The following CD99L2 variants were observed in gnomAD, a reference collection of about 807,000 sequenced individuals.
The protein encoded by CD99L2 is CD99 antigen-like protein 2.
Under a neutral mutation model 27.3 loss-of-function variants are expected in CD99L2, and 24 were observed. The ratio of observed to expected loss-of-function variants is 0.88; its 90% CI spans 0.64 to 1.24. CD99L2 has a LOEUF of 1.24. Among genes scored for constraint, CD99L2 ranks in the 50% most tolerant of loss-of-function variants. The pLI, the probability that CD99L2 is intolerant of heterozygous loss-of-function variation, is 0.00. For synonymous variants in CD99L2, 97 were observed against 87.9 expected, an observed-to-expected ratio of 1.10 and a Z score of -0.58; for missense variants, 255 against 221.6, an observed-to-expected ratio of 1.15 and a Z score of -0.96.
At chrX:150,858,389 T>G (rs1376495349) in intron 1 of CD99L2, among the ~76,000 whole-genome samples, 3 of 112,611 alleles carry the variant, frequency 2.7e-5, no homozygotes, top group Non-Finnish European at 5.6e-5. Flanking sequence ...ACAGAAGACT[T>G]TATCTAACAA....
intron 1 of CD99L2, among the ~76,000 whole-genome samples, chrX:150,895,509 G>C (rs1435008191): frequency 3.6e-5 from 4 of 110,665 alleles, no homozygotes; most frequent in Admixed American, 9.7e-5. Flanking sequence ...GGTCTGCCAG[G>C]GTTACTCAGC....
At chrX:150,769,769 G>A (rs186980111) in intron 10 of CD99L2, among the ~76,000 whole-genome samples, 92 of 108,747 alleles carry the variant, frequency 8.5e-4, no homozygotes, top group African/African-American at 2.4e-3. Flanking sequence ...TATCTGCCTC[G>A]AGCAGTTGGG....
chrX:150,780,729 A>C (rs1557419416), intron 7 of CD99L2, among the ~76,000 whole-genome samples: 1 of 112,185 alleles, frequency 8.9e-6, no homozygotes, highest in African/African-American at 3.2e-5. Context: ...AATTCACAAA[A>C]TATTTTAAGA....
At position 150,894,424 on chromosome X, in the gene CD99L2, T is replaced by C. The variant is rs782097153; in HGVS notation, c.67+4098A>G. Among the ~76,000 whole-genome samples the C allele has an allele frequency of 5.4e-5, 6 of 112,068 alleles. No homozygotes were observed. The East Asian group carries it at 1.4e-3, about 26-fold the overall frequency. On this transcript the variant is annotated intron_variant, in intron 1 of 10. Transcript: ENST00000370377. Reference sequence around the variant, plus strand: ...TGAGGAAACCGTAGCACCGAGCAGTTAGGCAAATGGGACAGAGTCATAGCA... The same window carrying C: ...TGAGGAAACCGTAGCACCGAGCAGTCAGGCAAATGGGACAGAGTCATAGCA...
chrX:150,833,858 G>A (rs782137669), intron 1 of CD99L2, among the ~76,000 whole-genome samples: 10 of 111,778 alleles, frequency 8.9e-5, no homozygotes, highest in Non-Finnish European at 1.1e-4. Flanking sequence ...GTTGCACAAC[G>A]TTAGTCTGGG....
At chrX:150,882,510 A>T (rs1260809932) in intron 1 of CD99L2, among the ~76,000 whole-genome samples, 2 of 110,618 alleles carry the variant, frequency 1.8e-5, no homozygotes, top group Non-Finnish European at 3.8e-5. Flanking sequence ...TGATCACTTG[A>T]GGTCAGGAGT....
chrX:150,778,685 A>ATATAT (rs1557419365), intron 7 of CD99L2, among the ~76,000 whole-genome samples: 1 of 81,536 alleles, frequency 1.2e-5, no homozygotes, highest in African/African-American at 4.9e-5. Context: ...AAAAAAAAAA[A>ATATAT]ATATATATAT....
chrX:150,779,228 T>C (rs1158057192), intron 7 of CD99L2, among the ~76,000 whole-genome samples: 1 of 111,964 alleles, frequency 8.9e-6, no homozygotes, highest in Admixed American at 9.4e-5. Flanking sequence ...CAGGGACAAA[T>C]GGACAGAAGG....
chrX:150,838,898 TA>T (rs1161488139), intron 1 of CD99L2, among the ~76,000 whole-genome samples: 1,822 of 23,559 alleles, frequency 0.077, 87 homozygotes, highest in African/African-American at 0.24. Flanking sequence ...ATCATATCAG[TA>T]AAAAAAAAAA....
chrX:150,793,003 G>A (rs1222065068), intron 7 of CD99L2, among the ~76,000 whole-genome samples: 1 of 110,530 alleles, frequency 9.0e-6, no homozygotes, highest in Non-Finnish European at 1.9e-5. Context: ...GCTAATTATG[G>A]TAATGGTTAC....
intron 1 of CD99L2, among the ~76,000 whole-genome samples, chrX:150,868,408 A>G (rs1362368302): frequency 9.0e-6 from 1 of 111,363 alleles, no homozygotes; most frequent in Non-Finnish European, 1.9e-5. Flanking sequence ...CATGCCTGTA[A>G]TCCCAGCTAC....
chrX:150,811,247 C>T (rs192167830), intron 4 of CD99L2, among the ~76,000 whole-genome samples: 22 of 111,216 alleles, frequency 2.0e-4, no homozygotes, highest in East Asian at 5.6e-4. Flanking sequence ...TTCACGCCCA[C>T]GAAGATGACT....
chrX:150,892,461 C>T (rs1260303801), intron 1 of CD99L2, among the ~76,000 whole-genome samples: 4 of 106,733 alleles, frequency 3.7e-5, no homozygotes, highest in African/African-American at 1.4e-4. Flanking sequence ...AAAAAATTAG[C>T]CAGGTGTGGT....
Position 150,814,762 on chromosome X carries a change from C to T in CD99L2, c.277+100G>A, listed in dbSNP as rs2046126730. ...GGTTCTCCAGTGGCTTGAAGTGCCT[C>T]CACCTCTGCCAAGCCCAGACTGACT... On this transcript the variant is annotated intron_variant, in intron 4 of 10. Transcript: ENST00000370377. The T allele has an allele frequency of 5.2e-6, 4 of 769,015 alleles. No individual in the cohort carries two copies. The South Asian group carries it at 9.7e-5, about 19-fold the overall frequency. 63.4% of individuals were successfully genotyped at this position (769,015 alleles called of 1,213,427 possible).
chrX:150,804,869 C>T (rs2045969883), intron 4 of CD99L2, among the ~76,000 whole-genome samples: 1 of 110,790 alleles, frequency 9.0e-6, no homozygotes, highest in Admixed American at 9.6e-5. Flanking sequence ...AAGATATAAA[C>T]TACTGAAGCT....
At chrX:150,777,589 G>A (rs900820984) in intron 7 of CD99L2, 107 bp from the exon 8 acceptor site, 2 of 813,439 alleles carry the variant, frequency 2.5e-6, no homozygotes, top group Non-Finnish European at 1.8e-6. Context: ...TCCCACCTAT[G>A]CGACAAGACC....
chrX:150,777,629 C>CGG, intron 7 of CD99L2, 147 bp from the exon 8 acceptor site: 2 of 581,329 alleles, frequency 3.4e-6, no homozygotes, highest in Non-Finnish European at 5.4e-6. Flanking sequence ...TAGGCTTCTA[C>CGG]TGGACTGCAA....
At chrX:150,774,669 C>G (rs2043519042) in intron 9 of CD99L2, among the ~76,000 whole-genome samples, 1 of 112,042 alleles carries the variant, frequency 8.9e-6, no homozygotes. Flanking sequence ...TTGCCCTGGG[C>G]TCCTTGTTCC....
At chrX:150,781,989 C>T (rs1382177168) in intron 7 of CD99L2, among the ~76,000 whole-genome samples, 2 of 112,094 alleles carry the variant, frequency 1.8e-5, no homozygotes, top group Admixed American at 9.4e-5. Flanking sequence ...ATGCACCACA[C>T]GGAGCTGCCC....
Sources: allele counts gnomAD v4.1 joint callset (sites outside exome capture counted in the v4.1 genomes callset), GRCh38; gene constraint gnomAD v4.1.1; transcripts MANE v1.5; gene names NCBI Gene and HGNC (gene_info 2026-07-23, HGNC 2026-07-21).